THSD7B: variants seen among roughly 807,000 people sequenced by gnomAD.
THSD7B encodes thrombospondin type 1 domain containing 7B.
THSD7B carries 138 observed loss-of-function variants against 213.6 expected under a neutral mutation model. That is an observed-to-expected ratio of 0.65 (90% CI 0.56 to 0.74). The LOEUF (loss-of-function observed/expected upper bound fraction) is 0.74. THSD7B is among the 30% of genes least tolerant of loss of function. THSD7B has a pLI of 0.00. For missense variants in THSD7B, 1,931 were observed against 1,991.5 expected (o/e 0.97, Z 0.58); for synonymous variants, 742 against 687.0 (o/e 1.08, Z -1.25).
intron 2 of THSD7B, among the ~76,000 whole-genome samples, chr2:136,978,356 G>T (rs1176876874): frequency 6.6e-6 from 1 of 152,120 alleles, no homozygotes; most frequent in Non-Finnish European, 1.5e-5. Flanking sequence ...TTAATTTTCT[G>T]TGTCGATGAT....
At chr2:136,877,940 C>CT (rs1683551408) in intron 1 of THSD7B, among the ~76,000 whole-genome samples, 2 of 151,456 alleles carry the variant, frequency 1.3e-5, no homozygotes, top group South Asian at 4.2e-4. Context: ...TTTAATTATA[C>CT]TTTAAGTTTT....
intron 25 of THSD7B, among the ~76,000 whole-genome samples, chr2:137,661,445 T>A (rs1000337713): frequency 1.3e-5 from 2 of 151,784 alleles, no homozygotes; most frequent in African/African-American, 2.4e-5. Context: ...TTATCTCCCA[T>A]GTAAGGCTGC....
intron 2 of THSD7B, among the ~76,000 whole-genome samples, chr2:136,954,891 G>A (rs1177415294): frequency 6.6e-6 from 1 of 151,806 alleles, no homozygotes; most frequent in South Asian, 2.1e-4. Context: ...AGATACATTT[G>A]TTTCTATTTT....
intron 4 of THSD7B, among the ~76,000 whole-genome samples, chr2:137,102,631 A>G (rs1688172258): frequency 6.6e-6 from 1 of 152,214 alleles, no homozygotes; most frequent in African/African-American, 2.4e-5. Context: ...CAAGGAAGCT[A>G]AGAACCTAAA....
chr2:137,048,786 G>A (rs1236573055), intron 2 of THSD7B, among the ~76,000 whole-genome samples: 1 of 151,954 alleles, frequency 6.6e-6, no homozygotes, highest in Non-Finnish European at 1.5e-5. Context: ...TTTTGATCAG[G>A]GACGCAGCTT....
intron 21 of THSD7B, among the ~76,000 whole-genome samples, chr2:137,648,208 A>G (rs1384274273): frequency 3.3e-5 from 5 of 152,186 alleles, no homozygotes; most frequent in African/African-American, 9.7e-5. Context: ...ATTACCTTAT[A>G]TATTTTCCTT....
At chr2:136,926,304 T>C (rs982656406) in intron 2 of THSD7B, among the ~76,000 whole-genome samples, 1 of 152,066 alleles carries the variant, frequency 6.6e-6, no homozygotes, top group African/African-American at 2.4e-5. Flanking sequence ...TCTGACTCCC[T>C]GCCTTTTCTG....
chr2:136,875,527 T>A (rs913978172), intron 1 of THSD7B, among the ~76,000 whole-genome samples: 15 of 152,194 alleles, frequency 9.9e-5, no homozygotes, highest in African/African-American at 3.6e-4. Context: ...GAGATTCTTT[T>A]AATCATTGTG....
chr2:137,543,888 A>G (rs1296357873), intron 15 of THSD7B, among the ~76,000 whole-genome samples: 2 of 151,784 alleles, frequency 1.3e-5, no homozygotes, highest in Non-Finnish European at 2.9e-5. Flanking sequence ...GATGCTAAAG[A>G]TTAGTCATTA....
intron 12 of THSD7B, among the ~76,000 whole-genome samples, chr2:137,284,554 T>C (rs1377993807): frequency 6.6e-6 from 1 of 152,168 alleles, no homozygotes; most frequent in Non-Finnish European, 1.5e-5. Context: ...TAAATTTCCC[T>C]CTACACACTG....
At chr2:137,373,168 G>A (rs927712425) in intron 12 of THSD7B, among the ~76,000 whole-genome samples, 3 of 152,122 alleles carry the variant, frequency 2.0e-5, no homozygotes, top group African/African-American at 7.2e-5. Context: ...ACGTGTGCAT[G>A]TGTCTTTATA....
chr2:137,367,125 A>C (rs1052577364), intron 12 of THSD7B, among the ~76,000 whole-genome samples: 2 of 152,068 alleles, frequency 1.3e-5, no homozygotes, highest in African/African-American at 4.8e-5. Flanking sequence ...TCCATGATGC[A>C]TCAAGTAGCT....
chr2:137,165,120 C>T (rs1680099813), intron 6 of THSD7B, among the ~76,000 whole-genome samples: 1 of 152,154 alleles, frequency 6.6e-6, no homozygotes, highest in South Asian at 2.1e-4. Flanking sequence ...CCCACAGCCT[C>T]CTGCAGAGTT....
chr2:137,225,542 C>T (rs898506945), intron 7 of THSD7B, among the ~76,000 whole-genome samples: 7 of 152,212 alleles, frequency 4.6e-5, no homozygotes, highest in Non-Finnish European at 7.3e-5. Flanking sequence ...AGCTCAGACA[C>T]TGGCTGTGTA....
chr2:137,158,611 G>C (rs913488536), intron 5 of THSD7B, among the ~76,000 whole-genome samples: 5 of 151,988 alleles, frequency 3.3e-5, no homozygotes, highest in African/African-American at 1.2e-4. Context: ...AGCTCAGGTT[G>C]CCTCATTGTT....
At chr2:137,604,114 TAATAA>T (rs1367403565) in intron 17 of THSD7B, among the ~76,000 whole-genome samples, 1 of 151,706 alleles carries the variant, frequency 6.6e-6, no homozygotes, top group Non-Finnish European at 1.5e-5. Context: ...AAAATAATAA[TAATAA>T]AATAAAAAAA....
At chr2:136,982,142 G>A (rs1319198345) in intron 2 of THSD7B, among the ~76,000 whole-genome samples, 14 of 152,112 alleles carry the variant, frequency 9.2e-5, no homozygotes, top group Admixed American at 8.5e-4. Flanking sequence ...TTCAAGTGAT[G>A]CACCCACCTC....
At chr2:136,955,805 C>T (rs1685114278) in intron 2 of THSD7B, among the ~76,000 whole-genome samples, 1 of 151,950 alleles carries the variant, frequency 6.6e-6, no homozygotes, top group South Asian at 2.1e-4. Context: ...GGTGCCTGCC[C>T]ACCACACCTG....
At position 137,595,004 on chromosome 2, in the gene THSD7B, T is replaced by G. The variant is rs138442858; in HGVS notation, c.3424-21171T>G. Among the ~76,000 whole-genome samples the G allele has an allele frequency of 4.0e-3, 616 of 152,134 alleles. 8 individuals carry two copies. Among genetic ancestry groups the G allele is most frequent in the Admixed American group, 0.035 (534 of 15,252 alleles). On this transcript the variant is annotated intron_variant, in intron 17 of 27. Coordinates refer to ENST00000409968, the MANE Select transcript of THSD7B (RefSeq NM_001316349.2). Reference sequence around the variant, plus strand: ...GTTTTGCTATCTTTACTTTCCCATTTTTGGTTGCAACTGTACAGATATGCA... The same window carrying G: ...GTTTTGCTATCTTTACTTTCCCATTGTTGGTTGCAACTGTACAGATATGCA...
Sources: gnomAD v4.1 joint callset for allele counts (sites outside exome capture counted in the v4.1 genomes callset) on GRCh38, gnomAD v4.1.1 for gene constraint, MANE v1.5 for transcripts, NCBI Gene and HGNC (gene_info 2026-07-23, HGNC 2026-07-21) for gene names.